SESTD1: variants seen among roughly 807,000 people sequenced by gnomAD.
SESTD1 encodes SEC14 and spectrin domain containing 1.
SESTD1 carries 43 observed loss-of-function variants against 101.7 expected under a neutral mutation model. The ratio of observed to expected loss-of-function variants is 0.42; its 90% CI spans 0.33 to 0.55. The LOEUF is 0.55. SESTD1 is among the 20% of genes least tolerant of loss of function. The pLI, the probability that SESTD1 is intolerant of heterozygous loss-of-function variation, is 0.07. For missense variants in SESTD1, 647 were observed against 815.1 expected, an observed-to-expected ratio of 0.79 and a Z score of 2.51; for synonymous variants, 283 against 286.8, an observed-to-expected ratio of 0.99 and a Z score of 0.13.
chr2:179,106,821 T>C lies in SESTD1; in HGVS notation c.*3078A>G, dbSNP rs953803464. 1.8e-4 allele frequency: 28 copies of C among 152,164 alleles called. No homozygotes were observed. Among genetic ancestry groups the C allele is most frequent in the African/African-American group, 6.7e-4 (28 of 41,536 alleles). 9.4% of individuals were successfully genotyped at this position (152,164 alleles called of 1,614,324 possible). ...AATGAGGACTGGGAACAAAGCCAAT[T>C]TGACCTAAAATGAAGTCATCATTTT... On this transcript the variant is annotated 3_prime_UTR_variant, in exon 18 of 18. Coordinates refer to ENST00000428443, the MANE Select transcript of SESTD1 (RefSeq NM_178123.5).
intron 1 of SESTD1, among the ~76,000 whole-genome samples, chr2:179,210,778 T>C (rs1391271108): frequency 7.4e-6 from 1 of 134,314 alleles, no homozygotes; most frequent in Non-Finnish European, 1.6e-5. Context: ...TGGAACAAGA[T>C]GTGGATGCCC....
chr2:179,223,832 G>C (rs1300012432), intron 1 of SESTD1, among the ~76,000 whole-genome samples: 1 of 152,098 alleles, frequency 6.6e-6, no homozygotes, highest in Admixed American at 6.6e-5. Context: ...CTCTATATTG[G>C]AACTACAAAA....
rs537308549 is a variant in SESTD1, at chr2:179,224,421, T to C, written c.-25-32555A>G. 4.6e-5 allele frequency among the ~76,000 whole-genome samples: 7 copies of C among 152,312 alleles called. No homozygotes were observed. The South Asian group carries it at 1.2e-3, about 27-fold the overall frequency. On this transcript the variant is annotated intron_variant, in intron 1 of 17. Transcript: ENST00000428443. The stretch of plus-strand genomic sequence containing the variant: ...TAAGGCTAAGTCCAAGGATACAATA[T>C]TGTGACATAAGAAATATACTCTGTA...
rs576904646 is a variant in SESTD1 at position 179,182,859 on chromosome 2, A to T, written c.164+221T>A. Among the ~76,000 whole-genome samples, 6 of 152,284 alleles carry T rather than the reference A, an allele frequency of 3.9e-5. No individual in the cohort carries two copies. The South Asian group carries it at 1.2e-3, about 32-fold the overall frequency. ...TGGGTTCCTTAAAAGTCGACAATAC[A>T]TACATTTTGGAAATCTGTATATCCT... is the stretch of plus-strand genomic sequence containing the variant. On this transcript the variant is annotated intron_variant, in intron 3 of 17. Transcript: ENST00000428443.
rs66636048 is a variant in SESTD1 at position 179,149,059 on chromosome 2, C to CAAAA, written c.581+234_581+237dup. Among the ~76,000 whole-genome samples the CAAAA allele has an allele frequency of 2.1e-3, 124 of 60,422 alleles. 5 individuals carry two copies. Among genetic ancestry groups the CAAAA allele is most frequent in the Admixed American group, 5.9e-3 (20 of 3,410 alleles). 39.6% of individuals were successfully genotyped at this position (60,422 alleles called of 152,430 possible). The stretch of plus-strand genomic sequence containing the variant: ...TGGGTGACAGAGCAAGACTCCGTCT[C>CAAAA]AAAAAAAAAAAAAAAAAAAAAAAAA... On this transcript the variant is annotated intron_variant, in intron 7 of 17. Coordinates refer to ENST00000428443, the MANE Select transcript of SESTD1 (RefSeq NM_178123.5).
At chr2:179,121,977 T>C in intron 12 of SESTD1, 48 bp from the exon 13 acceptor site, 2 of 1,530,206 alleles carry the variant, frequency 1.3e-6, no homozygotes, top group African/African-American at 2.8e-5. Flanking sequence ...CTAAGGCGCT[T>C]TCCCTCCCTC....
chr2:179,184,708 C>A (rs781209960), intron 2 of SESTD1, among the ~76,000 whole-genome samples: 2 of 152,116 alleles, frequency 1.3e-5, no homozygotes, highest in African/African-American at 2.4e-5. Flanking sequence ...TTAATAGGAA[C>A]AGGCTAAGAA....
At chr2:179,168,907 G>A (rs1342312595) in intron 5 of SESTD1, among the ~76,000 whole-genome samples, 1 of 152,276 alleles carries the variant, frequency 6.6e-6, no homozygotes. Context: ...TCTATTTCAT[G>A]TGAAGTGGTA....
intron 1 of SESTD1, among the ~76,000 whole-genome samples, chr2:179,203,518 G>T (rs1336506553): frequency 3.0e-5 from 4 of 133,880 alleles, no homozygotes; most frequent in African/African-American, 1.2e-4. Flanking sequence ...AGAGGCCATG[G>T]AAGGTCCCCA....
At position 179,110,046 on chromosome 2, in the gene SESTD1, CAG is replaced by C; in HGVS notation, c.1962-20_1962-19del. On this transcript the variant is annotated intron_variant, in intron 17 of 17. Transcript: ENST00000428443. Reference sequence around the variant, plus strand: ...GTTCGGTTCTAAAAATCAAAACACACAGAAAAACCTCAGATTAATACAAATCT... The same window carrying C: ...GTTCGGTTCTAAAAATCAAAACACACAAAAACCTCAGATTAATACAAATCT... The C allele has an allele frequency of 6.2e-7, 1 of 1,611,314 alleles. No homozygotes were observed. The highest frequency in any genetic ancestry group is 1.1e-5 in the South Asian group (1 of 90,746).
At chr2:179,160,863 T>A (rs1371298317) in intron 5 of SESTD1, among the ~76,000 whole-genome samples, 3 of 151,994 alleles carry the variant, frequency 2.0e-5, no homozygotes, top group Non-Finnish European at 4.4e-5. Context: ...TTAATTTTTT[T>A]AAAAAAGGAT....
intron 6 of SESTD1, among the ~76,000 whole-genome samples, chr2:179,149,769 A>G (rs1284696349): frequency 2.0e-5 from 3 of 152,202 alleles, no homozygotes; most frequent in Non-Finnish European, 4.4e-5. Flanking sequence ...TTATTCTATC[A>G]CCAACACATG....
chr2:179,186,544 A>G (rs2046235006), intron 2 of SESTD1, among the ~76,000 whole-genome samples: 1 of 152,198 alleles, frequency 6.6e-6, no homozygotes, highest in African/African-American at 2.4e-5. Flanking sequence ...GTATTTCAGA[A>G]ACAATTATTT....
chr2:179,185,772 CATATACAAT>C (rs2046216322), intron 2 of SESTD1, among the ~76,000 whole-genome samples: 1 of 106,938 alleles, frequency 9.4e-6, no homozygotes, highest in Admixed American at 1.1e-4. Flanking sequence ...TATAATATAG[CATATACAAT>C]ATAGTATACA....
At chr2:179,259,912 C>T (rs2047458922) in intron 1 of SESTD1, among the ~76,000 whole-genome samples, 1 of 152,180 alleles carries the variant, frequency 6.6e-6, no homozygotes, top group Non-Finnish European at 1.5e-5. Context: ...ATTTTACCTA[C>T]CATCCTTCTT....
intron 2 of SESTD1, among the ~76,000 whole-genome samples, chr2:179,185,099 G>GA (rs2046188224): frequency 1.3e-5 from 2 of 151,910 alleles, no homozygotes; most frequent in South Asian, 4.2e-4. Flanking sequence ...CACACCATTG[G>GA]AAAAAATAGG....
chr2:179,254,692 C>T (rs2047367078), intron 1 of SESTD1, among the ~76,000 whole-genome samples: 1 of 152,236 alleles, frequency 6.6e-6, no homozygotes, highest in Non-Finnish European at 1.5e-5. Flanking sequence ...TGAAATAAAA[C>T]CTACTTGCCA....
At position 179,104,440 on chromosome 2, in the gene SESTD1, TCTGTAA is replaced by T. The variant is rs1478788244; in HGVS notation, c.*5453_*5458del. On this transcript the variant is annotated 3_prime_UTR_variant, in exon 18 of 18. Coordinates refer to ENST00000428443, the MANE Select transcript of SESTD1 (RefSeq NM_178123.5). Reference sequence around the variant, plus strand: ...CCCTAACTTCCAGACTAAAAAAGAATCTGTAACTGTAATAGAAAAGAAGTGAGGCTT... The same window carrying T: ...CCCTAACTTCCAGACTAAAAAAGAATCTGTAATAGAAAAGAAGTGAGGCTT... 2 of 152,056 alleles carry T rather than the reference TCTGTAA, an allele frequency of 1.3e-5. No homozygotes were observed. Among genetic ancestry groups the T allele is most frequent in the Non-Finnish European group, 2.9e-5 (2 of 67,998 alleles). 9.4% of individuals were successfully genotyped at this position (152,056 alleles called of 1,614,324 possible).
intron 1 of SESTD1, among the ~76,000 whole-genome samples, chr2:179,197,270 A>C (rs936142262): frequency 1.3e-5 from 2 of 152,116 alleles, no homozygotes; most frequent in Non-Finnish European, 2.9e-5. Context: ...AAAAAAATAA[A>C]AACAAATGAG....
Sources: gnomAD v4.1 joint callset for allele counts (sites outside exome capture counted in the v4.1 genomes callset) on GRCh38, gnomAD v4.1.1 for gene constraint, MANE v1.5 for transcripts, NCBI Gene and HGNC (gene_info 2026-07-23, HGNC 2026-07-21) for gene names.